Variants in PLPPR5 observed in about 807,000 individuals in gnomAD.
PLPPR5 encodes phospholipid phosphatase related 5, also known as phospholipid phosphatase-related protein type 5.
Under a neutral mutation model 33.9 loss-of-function variants are expected in PLPPR5, and 16 were observed. That is an observed-to-expected ratio of 0.47 (90% CI 0.32 to 0.72). The LOEUF (loss-of-function observed/expected upper bound fraction) is 0.72, where lower values mean the gene tolerates loss of function less well. PLPPR5 is among the 30% of genes least tolerant of loss of function. The pLI is 0.03. For synonymous variants in PLPPR5, 163 were observed against 150.3 expected, an observed-to-expected ratio of 1.08 and a Z score of -0.62; for missense variants, 301 against 406.7, an observed-to-expected ratio of 0.74 and a Z score of 2.23.
Position 98,946,114 on chromosome 1 carries a change from G to A in PLPPR5, c.621+6956C>T, listed in dbSNP as rs1460970686. Reference sequence around the variant, plus strand: ...AAATCCAAATCCAAATCCAAATCCTGAGACTCTGTCTAGGGATTTTGATTT... The same window carrying A: ...AAATCCAAATCCAAATCCAAATCCTAAGACTCTGTCTAGGGATTTTGATTT... On this transcript the variant is annotated intron_variant, in intron 3 of 5. Transcript: ENST00000263177. 3.3e-5 allele frequency among the ~76,000 whole-genome samples: 5 copies of A among 152,260 alleles called. No homozygotes were observed. In the South Asian group the frequency reaches 8.3e-4, roughly 25 times the overall value.
intron 3 of PLPPR5, among the ~76,000 whole-genome samples, chr1:98,952,663 A>T (rs1238343432): frequency 6.6e-6 from 1 of 152,300 alleles, no homozygotes; most frequent in East Asian, 1.9e-4. Flanking sequence ...TTCTAGAAAA[A>T]AAGAGTGTCC....
At chr1:98,980,040 A>G (rs1269407158) in intron 1 of PLPPR5, among the ~76,000 whole-genome samples, 2 of 151,942 alleles carry the variant, frequency 1.3e-5, no homozygotes, top group African/African-American at 4.8e-5. Flanking sequence ...CTGGTCCTAA[A>G]TGCACTACTG....
intron 4 of PLPPR5, among the ~76,000 whole-genome samples, 160 bp downstream of exon 4, chr1:98,921,722 A>G (rs1649559922): frequency 6.6e-6 from 1 of 152,184 alleles, no homozygotes; most frequent in Non-Finnish European, 1.5e-5. Flanking sequence ...GGGAGGAGGA[A>G]GAAATGAATG....
intron 3 of PLPPR5, among the ~76,000 whole-genome samples, chr1:98,945,222 T>C (rs891984359): frequency 6.6e-6 from 1 of 152,342 alleles, no homozygotes; most frequent in Admixed American, 6.5e-5. Flanking sequence ...TTATAAAATA[T>C]GCATTCACTT....
intron 1 of PLPPR5, among the ~76,000 whole-genome samples, chr1:98,999,209 T>G (rs930058365): frequency 6.6e-6 from 1 of 152,216 alleles, no homozygotes; most frequent in Non-Finnish European, 1.5e-5. Context: ...TCCTGATTAA[T>G]CAACACAGCC....
chr1:98,935,075 A>G (rs1650127860), intron 3 of PLPPR5, among the ~76,000 whole-genome samples: 1 of 152,284 alleles, frequency 6.6e-6, no homozygotes, highest in South Asian at 2.1e-4. Flanking sequence ...GGATTACATG[A>G]TTGCATGTTA....
intron 1 of PLPPR5, among the ~76,000 whole-genome samples, chr1:98,974,017 G>T (rs907176194): frequency 6.6e-6 from 1 of 151,956 alleles, no homozygotes; most frequent in African/African-American, 2.4e-5. Context: ...TTTCCGGGTA[G>T]TGAACCATGC....
intron 3 of PLPPR5, among the ~76,000 whole-genome samples, chr1:98,924,840 G>C (rs1453972117): frequency 6.6e-6 from 1 of 152,182 alleles, no homozygotes; most frequent in Non-Finnish European, 1.5e-5. Context: ...GAATAGCCTG[G>C]TATTTGGCTT....
At chr1:98,978,904 A>G (rs1366016496) in intron 1 of PLPPR5, among the ~76,000 whole-genome samples, 1 of 152,036 alleles carries the variant, frequency 6.6e-6, no homozygotes, top group Non-Finnish European at 1.5e-5. Context: ...ATTATTAGTT[A>G]TCTTTCCTTC....
intron 1 of PLPPR5, among the ~76,000 whole-genome samples, chr1:98,968,533 T>A (rs1376516353): frequency 6.6e-6 from 1 of 152,046 alleles, no homozygotes; most frequent in Non-Finnish European, 1.5e-5. Flanking sequence ...TCAATGTTTC[T>A]CAAATAATAT....
chr1:98,927,616 A>C (rs1434564876), intron 3 of PLPPR5, among the ~76,000 whole-genome samples: 1 of 152,208 alleles, frequency 6.6e-6, no homozygotes, highest in East Asian at 1.9e-4. Context: ...GTGTACTAAG[A>C]GAAATTGTTC....
intron 1 of PLPPR5, among the ~76,000 whole-genome samples, chr1:98,981,481 C>T (rs934729090): frequency 1.3e-5 from 2 of 152,072 alleles, no homozygotes; most frequent in South Asian, 4.1e-4. Context: ...CACCTCCTCT[C>T]AGAAACCTTC....
intron 3 of PLPPR5, among the ~76,000 whole-genome samples, chr1:98,926,268 C>T (rs987604304): frequency 1.1e-4 from 16 of 152,022 alleles, no homozygotes; most frequent in South Asian, 2.1e-4. Context: ...TTAAGCAAAC[C>T]GGTGCCCACT....
intron 3 of PLPPR5, among the ~76,000 whole-genome samples, chr1:98,930,275 A>C (rs1345245260): frequency 6.6e-6 from 1 of 152,214 alleles, no homozygotes; most frequent in African/African-American, 2.4e-5. Context: ...TATTTCAAGT[A>C]TCTCTGAATA....
At chr1:98,970,139 T>C (rs1300760915) in intron 1 of PLPPR5, among the ~76,000 whole-genome samples, 1 of 152,068 alleles carries the variant, frequency 6.6e-6, no homozygotes, top group Non-Finnish European at 1.5e-5. Flanking sequence ...GACTTTATTT[T>C]TAAAACACTT....
At position 98,915,978 on chromosome 1, in the gene PLPPR5, A is replaced by C. The variant is rs151133452; in HGVS notation, c.799-1058T>G. Among the ~76,000 whole-genome samples, 1,264 of 152,326 alleles carry C rather than the reference A, an allele frequency of 8.3e-3. 9 individuals carry two copies. The highest frequency in any genetic ancestry group is 0.012 in the Non-Finnish European group (836 of 68,024). The stretch of plus-strand genomic sequence containing the variant: ...GTTTCATATTCTATTACAAATCAAA[A>C]TACAGGCCTCATTTGCAGCTATAAC... On this transcript the variant is annotated intron_variant, in intron 4 of 5. Transcript: ENST00000263177.
intron 1 of PLPPR5, among the ~76,000 whole-genome samples, chr1:98,986,828 A>C (rs1031335376): frequency 2.0e-5 from 3 of 151,848 alleles, no homozygotes; most frequent in Admixed American, 6.6e-5. Flanking sequence ...TGGAGAGTTG[A>C]TCTGCTCTTA....
At chr1:98,943,270 G>A (rs1160333777) in intron 3 of PLPPR5, among the ~76,000 whole-genome samples, 1 of 152,160 alleles carries the variant, frequency 6.6e-6, no homozygotes, top group African/African-American at 2.4e-5. Context: ...CAGGTCCCCA[G>A]AGGGAAGGAC....
intron 3 of PLPPR5, among the ~76,000 whole-genome samples, chr1:98,939,779 G>A (rs1306331372): frequency 6.6e-6 from 1 of 151,884 alleles, no homozygotes; most frequent in Non-Finnish European, 1.5e-5. Flanking sequence ...TACCCTTCCT[G>A]TTGTCTGGTC....
Sources: gnomAD v4.1 joint callset for allele counts (sites outside exome capture counted in the v4.1 genomes callset) on GRCh38, gnomAD v4.1.1 for gene constraint, MANE v1.5 for transcripts, NCBI Gene and HGNC (gene_info 2026-07-23, HGNC 2026-07-21) for gene names.